VAV2: variants seen among roughly 807,000 people sequenced by gnomAD.
VAV2 encodes the protein guanine nucleotide exchange factor VAV2.
Under a neutral mutation model 132.5 loss-of-function variants are expected in VAV2, and 67 were observed. The ratio of observed to expected loss-of-function variants is 0.51; its 90% CI spans 0.42 to 0.62. VAV2 has a LOEUF of 0.62. Ranked by LOEUF, VAV2 falls within the 20% of genes least tolerant of loss-of-function variation. VAV2 has a pLI of 0.00. For missense variants in VAV2, 938 were observed against 1,153.6 expected (o/e 0.81, Z 2.71); for synonymous variants, 492 against 443.5 (o/e 1.11, Z -1.37).
At chr9:133,836,681 G>A (rs1836485359) in intron 3 of VAV2, among the ~76,000 whole-genome samples, 1 of 152,164 alleles carries the variant, frequency 6.6e-6, no homozygotes, top group Admixed American at 6.5e-5. Flanking sequence ...CAGAGTGTGG[G>A]CGACAGTTTA....
intron 1 of VAV2, among the ~76,000 whole-genome samples, chr9:133,982,219 T>C (rs900700844): frequency 8.5e-5 from 13 of 152,130 alleles, no homozygotes; most frequent in Non-Finnish European, 1.8e-4. Context: ...GTGGCCAGTG[T>C]GCCTGAGGCT....
chr9:133,888,547 G>A (rs1838803943), intron 2 of VAV2, among the ~76,000 whole-genome samples: 1 of 152,164 alleles, frequency 6.6e-6, no homozygotes, highest in South Asian at 2.1e-4. Context: ...CATAGAAACC[G>A]CTGTGTCCAG....
intron 3 of VAV2, among the ~76,000 whole-genome samples, chr9:133,843,041 A>T (rs1190917412): frequency 6.6e-6 from 1 of 152,178 alleles, no homozygotes; most frequent in African/African-American, 2.4e-5. Flanking sequence ...CCAACTGTCA[A>T]AACAAGCCCA....
At chr9:133,983,182 C>G (rs932365611) in intron 1 of VAV2, among the ~76,000 whole-genome samples, 1 of 152,180 alleles carries the variant, frequency 6.6e-6, no homozygotes, top group Non-Finnish European at 1.5e-5. Context: ...GTTGCCAACG[C>G]TGTCCCTGTC....
In VAV2 at chr9:133,783,569, T is replaced by C. The variant is rs757608619; in HGVS notation, c.1657A>G (p.Met553Val). Residue 553 changes from methionine (M) to valine (V), a missense_variant, in exon 19 of 30, where the codon ATG becomes GTG. By Grantham distance (21) the Met-to-Val change is conservative. Coordinates refer to ENST00000371850, the MANE Select transcript of VAV2 (RefSeq NM_001134398.2). The part of the protein sequence containing the change: ...FLRGTFYQGY[M>V]CTKCGVGAHK... ...GCCCCGACGCCACACTTGGTACACA[T>C]GTATCCCTGGTAGAAGGTGCCCCTG... The C allele has an allele frequency of 1.9e-6, 3 of 1,613,864 alleles. No individual in the cohort carries two copies. Among genetic ancestry groups the C allele is most frequent in the South Asian group, 1.1e-5 (1 of 91,088 alleles).
intron 2 of VAV2, among the ~76,000 whole-genome samples, chr9:133,895,211 A>G (rs760201531): frequency 3.3e-5 from 5 of 151,914 alleles, no homozygotes; most frequent in African/African-American, 4.8e-5. Flanking sequence ...GCTGGGCTCT[A>G]TGGAGATCTC....
At chr9:133,900,837 C>T (rs1248835308) in intron 2 of VAV2, among the ~76,000 whole-genome samples, 5 of 151,394 alleles carry the variant, frequency 3.3e-5, no homozygotes, top group East Asian at 3.9e-4. Context: ...CTTGCTCTGT[C>T]GCCCAGGCTA....
intron 3 of VAV2, among the ~76,000 whole-genome samples, chr9:133,850,750 T>C (rs1201714594): frequency 6.6e-6 from 1 of 152,174 alleles, no homozygotes; most frequent in East Asian, 1.9e-4. Flanking sequence ...CTGAATCCCT[T>C]TGTCTTCCCA....
rs187979705 is a variant in VAV2, at chr9:133,780,655, G to A, written c.1740+39C>T. On this transcript the variant is annotated intron_variant, in intron 20 of 29. Transcript: ENST00000371850. Reference sequence around the variant, plus strand: ...CTCTGCGCACACAGGGATGTGGCGGGGGTGGGGCAGAGGGAGGGGAAACAC... The same window carrying A: ...CTCTGCGCACACAGGGATGTGGCGGAGGTGGGGCAGAGGGAGGGGAAACAC... The A allele has an allele frequency of 1.4e-4, 185 of 1,294,438 alleles. 2 individuals are homozygous for A. The Middle Eastern group carries it at 5.2e-3, about 36-fold the overall frequency. 80.2% of individuals were successfully genotyped at this position (1,294,438 alleles called of 1,614,324 possible). A position where few individuals can be genotyped will look rare whatever the true frequency, so the allele number is the denominator to read the frequency against.
intron 26 of VAV2, among the ~76,000 whole-genome samples, chr9:133,771,229 AATTTTTGT>A (rs1588153396): frequency 6.6e-6 from 1 of 151,880 alleles, no homozygotes; most frequent in African/African-American, 2.4e-5. Context: ...ATGCCCGGCT[AATTTTTGT>A]ATTTTTTGTA....
At chr9:133,797,915 C>T in intron 9 of VAV2, 106 bp from the exon 10 acceptor site, 1 of 943,310 alleles carries the variant, frequency 1.1e-6, no homozygotes, top group East Asian at 2.8e-5. Flanking sequence ...GCGCAACCAA[C>T]AGGCCCCTCC....
chr9:133,881,009 A>G (rs904496975), intron 2 of VAV2, among the ~76,000 whole-genome samples: 3 of 152,186 alleles, frequency 2.0e-5, no homozygotes, highest in African/African-American at 7.2e-5. Flanking sequence ...CGGGGGCAGC[A>G]ACACCCCCCT....
intron 29 of VAV2, among the ~76,000 whole-genome samples, chr9:133,767,418 G>A (rs1429741475): frequency 6.6e-6 from 1 of 152,224 alleles, no homozygotes; most frequent in Non-Finnish European, 1.5e-5. Flanking sequence ...GAATTATCCA[G>A]TAATACTCAA....
intron 2 of VAV2, among the ~76,000 whole-genome samples, chr9:133,915,098 G>A (rs10125572): frequency 3.7e-4 from 56 of 152,056 alleles, no homozygotes; most frequent in African/African-American, 1.3e-3. Flanking sequence ...GAAGAGCACC[G>A]GCCTGTTCTC....
chr9:133,763,952 G>A lies in VAV2; in HGVS notation c.*110C>T. 1 of 1,323,750 alleles carries A rather than the reference G, an allele frequency of 7.6e-7. No homozygotes were observed. The highest frequency in any genetic ancestry group is 1.1e-6 in the Non-Finnish European group (1 of 923,550). 82.0% of individuals were successfully genotyped at this position (1,323,750 alleles called of 1,614,324 possible). On this transcript the variant is annotated 3_prime_UTR_variant, in exon 30 of 30. Coordinates refer to ENST00000371850, the MANE Select transcript of VAV2 (RefSeq NM_001134398.2). This position sits in a 1 kb window ranked among gnomAD's most constrained non-coding sequence, Gnocchi z 6.8. ...CTCCCTATCCCTGTGGGCAGTGGAA[G>A]ACTGGGAGGTTGGTATTTCCCCTCT...
intron 7 of VAV2, 90 bp from the exon 8 acceptor site, chr9:133,807,416 C>A: frequency 7.4e-7 from 1 of 1,350,030 alleles, no homozygotes; most frequent in African/African-American, 1.5e-5. Context: ...CAGGGCAGCT[C>A]CGAGGCAGGC....
chr9:133,830,582 C>G (rs115683039), intron 4 of VAV2, among the ~76,000 whole-genome samples: 8 of 152,156 alleles, frequency 5.3e-5, no homozygotes, highest in African/African-American at 1.9e-4. Flanking sequence ...TTCCTGGGGC[C>G]TCCCCAGTCC....
intron 22 of VAV2, 128 bp downstream of exon 22, chr9:133,778,634 C>A: frequency 7.2e-7 from 1 of 1,395,718 alleles, no homozygotes; most frequent in Non-Finnish European, 9.5e-7. Flanking sequence ...CCTGTGCCTC[C>A]TCCTCCCTGG....
intron 1 of VAV2, among the ~76,000 whole-genome samples, chr9:133,964,493 G>A (rs896768369): frequency 1.3e-5 from 2 of 152,032 alleles, no homozygotes; most frequent in African/African-American, 2.4e-5. Context: ...TGTCATATAT[G>A]TATAATGAAA....
Sources: allele counts gnomAD v4.1 joint callset (sites outside exome capture counted in the v4.1 genomes callset), GRCh38; gene constraint gnomAD v4.1.1; non-coding constraint Gnocchi (gnomAD v3.1); transcripts MANE v1.5; gene names NCBI Gene and HGNC (gene_info 2026-07-23, HGNC 2026-07-21).